Variants in MAP6 observed in about 807,000 individuals in gnomAD.
The protein encoded by MAP6 is microtubule-associated protein 6.
A neutral mutation model predicts 42.4 loss-of-function variants in MAP6; 26 were observed. That is an observed-to-expected ratio of 0.61 (90% CI 0.45 to 0.85). The LOEUF (loss-of-function observed/expected upper bound fraction) is 0.85, where lower values mean the gene tolerates loss of function less well. Ranked by LOEUF, MAP6 falls within the 40% of genes least tolerant of loss-of-function variation. The pLI, the probability that MAP6 is intolerant of heterozygous loss-of-function variation, is 0.00. For missense variants in MAP6, 966 were observed against 1,099.0 expected, an observed-to-expected ratio of 0.88 and a Z score of 1.71; for synonymous variants, 418 against 443.8, an observed-to-expected ratio of 0.94 and a Z score of 0.73.
intron 1 of MAP6, among the ~76,000 whole-genome samples, chr11:75,634,664 C>T (rs1036187783): frequency 6.6e-6 from 1 of 152,170 alleles, no homozygotes; most frequent in Non-Finnish European, 1.5e-5. Flanking sequence ...AGAGATGGCT[C>T]TTATTAGAAC....
intron 3 of MAP6, chr11:75,603,238 G>T (rs139374548): frequency 1.0e-6 from 1 of 985,528 alleles, no homozygotes; most frequent in Non-Finnish European, 1.2e-6. Flanking sequence ...CAGCTCCCTC[G>T]CCAGGGAAGG....
intron 1 of MAP6, among the ~76,000 whole-genome samples, chr11:75,663,642 A>C (rs1056308523): frequency 2.3e-4 from 35 of 152,308 alleles, no homozygotes; most frequent in Middle Eastern, 3.4e-3. Flanking sequence ...GTAAAAAGGG[A>C]ATAGAAGAAC....
chr11:75,651,912 T>C (rs925333715), intron 1 of MAP6, among the ~76,000 whole-genome samples: 3 of 152,204 alleles, frequency 2.0e-5, no homozygotes, highest in African/African-American at 7.2e-5. Flanking sequence ...GGCAAACTAT[T>C]GCCTACCAGC....
intron 1 of MAP6, among the ~76,000 whole-genome samples, chr11:75,628,890 GC>G (rs1943240244): frequency 6.6e-6 from 1 of 152,204 alleles, no homozygotes; most frequent in Admixed American, 6.5e-5. Context: ...CTTACTGTGT[GC>G]CAGAAGCTTT....
At chr11:75,654,852 G>A (rs1943713937) in intron 1 of MAP6, among the ~76,000 whole-genome samples, 1 of 152,142 alleles carries the variant, frequency 6.6e-6, no homozygotes, top group African/African-American at 2.4e-5. Flanking sequence ...CAGACTTTAA[G>A]TTAAGATGCA....
intron 1 of MAP6, among the ~76,000 whole-genome samples, chr11:75,610,587 G>A (rs1942879821): frequency 6.6e-6 from 1 of 152,254 alleles, no homozygotes; most frequent in Non-Finnish European, 1.5e-5. Flanking sequence ...AGTCTCCACT[G>A]TAGCTAAGGG....
rs192391789 is a variant in MAP6, at chr11:75,663,570, G to T, written c.905+3895C>A. 6.6e-5 allele frequency among the ~76,000 whole-genome samples: 10 copies of T among 152,252 alleles called. No homozygotes were observed. The East Asian group carries it at 9.6e-4, about 15-fold the overall frequency. On this transcript the variant is annotated intron_variant, in intron 1 of 3. Coordinates refer to ENST00000304771, the MANE Select transcript of MAP6 (RefSeq NM_033063.2). ...CTCTTCAGGTGTTCATGACGTGGTG[G>T]GGGAGACAGACATGGACAAGAGTAT...
chr11:75,620,408 T>C (rs562469829), intron 1 of MAP6, among the ~76,000 whole-genome samples: 130 of 151,148 alleles, frequency 8.6e-4, no homozygotes, highest in Non-Finnish European at 1.6e-4. Context: ...GAGGTGGAGT[T>C]TGCAGTGAGC....
At chr11:75,593,904 C>T (rs1194199767) in intron 3 of MAP6, among the ~76,000 whole-genome samples, 2 of 152,188 alleles carry the variant, frequency 1.3e-5, no homozygotes, top group Admixed American at 1.3e-4. Flanking sequence ...CCCTCCTAGC[C>T]ATAGGATGGC....
intron 1 of MAP6, among the ~76,000 whole-genome samples, chr11:75,663,170 G>A (rs550522242): frequency 4.0e-5 from 6 of 151,880 alleles, no homozygotes; most frequent in Admixed American, 3.3e-4. Context: ...TTTTAGAAAC[G>A]GGGTTTCACC....
chr11:75,655,130 T>C (rs1702292863), intron 1 of MAP6, among the ~76,000 whole-genome samples: 1 of 152,224 alleles, frequency 6.6e-6, no homozygotes, highest in Admixed American at 6.5e-5. Flanking sequence ...TGAATCTTCA[T>C]AGCCTATAGT....
intron 1 of MAP6, among the ~76,000 whole-genome samples, chr11:75,633,461 T>C (rs1275648108): frequency 2.6e-5 from 4 of 152,176 alleles, no homozygotes; most frequent in Non-Finnish European, 4.4e-5. Flanking sequence ...TGGGAAGACA[T>C]TGGGATACAA....
intron 3 of MAP6, chr11:75,594,342 T>C (rs117677702): frequency 0.033 from 4,992 of 152,324 alleles, 113 homozygotes; most frequent in Non-Finnish European, 0.051. Context: ...GCCCCGTACA[T>C]GTGCTCATGA....
rs199978007 is a variant in MAP6, at chr11:75,658,399, C to CA, written c.905+9065_905+9066insT. Reference sequence around the variant, plus strand: ...GCTCAGTGTATACCATTTCTCCACCCCCCCCGCCCCAGACAGCCAAAACAT... The same window carrying CA: ...GCTCAGTGTATACCATTTCTCCACCCACCCCCGCCCCAGACAGCCAAAACAT... On this transcript the variant is annotated intron_variant, in intron 1 of 3. Coordinates refer to ENST00000304771, the MANE Select transcript of MAP6 (RefSeq NM_033063.2). Among the ~76,000 whole-genome samples, 39 of 104,098 alleles carry CA rather than the reference C, an allele frequency of 3.7e-4. No homozygotes were observed. The East Asian group carries it at 9.3e-3, about 25-fold the overall frequency. 68.3% of individuals were successfully genotyped at this position (104,098 alleles called of 152,430 possible). A position where few individuals can be genotyped will look rare whatever the true frequency, so the allele number is the denominator to read the frequency against.
intron 1 of MAP6, among the ~76,000 whole-genome samples, chr11:75,663,596 T>C (rs1943894349): frequency 6.6e-6 from 1 of 152,056 alleles, no homozygotes; most frequent in Admixed American, 6.6e-5. Flanking sequence ...ACAAGAGTAT[T>C]TTACAATCAA....
chr11:75,646,810 A>C lies in MAP6; in HGVS notation c.905+20655T>G, dbSNP rs376036802. Among the ~76,000 whole-genome samples, 40 of 152,242 alleles carry C rather than the reference A, an allele frequency of 2.6e-4. 1 individual carries two copies. The East Asian group carries it at 2.7e-3, about 10-fold the overall frequency. On this transcript the variant is annotated intron_variant, in intron 1 of 3. Transcript: ENST00000304771. ...AGCAAAACTCCATCTCAAAAAAAAG[A>C]AGCAATGGTGAGTAAAATATTAGTA... is the stretch of plus-strand genomic sequence containing the variant.
At chr11:75,637,454 T>A (rs1051430222) in intron 1 of MAP6, among the ~76,000 whole-genome samples, 2 of 152,048 alleles carry the variant, frequency 1.3e-5, no homozygotes, top group East Asian at 3.8e-4. Flanking sequence ...ATTTATAGGG[T>A]CTTGAATGGG....
chr11:75,605,735 G>T, intron 3 of MAP6, 73 bp downstream of exon 3: 18 of 1,572,418 alleles, frequency 1.1e-5, no homozygotes, highest in African/African-American at 4.1e-5. Context: ...TTTTTGGTTT[G>T]TTGGTTTAAA....
In MAP6 at chr11:75,667,520, C is replaced by A; in HGVS notation, c.850G>T (p.Ala284Ser). Residue 284 changes from alanine (A) to serine (S), a missense_variant, in exon 1 of 4, where the codon GCC becomes TCC. Ala to Ser is a moderately conservative substitution (Grantham distance 99). This residue lies in a region of MAP6 where 943 missense variants were observed against 1,049.9 expected (regional missense o/e 0.90). Transcript: ENST00000304771. This position sits in a 1 kb window ranked among gnomAD's most constrained non-coding sequence, Gnocchi z 5.6. ...TCCTCGCGGATTTGCCGGTTGAGGG[C>A]GTCCGCCGCGGCGCGCCCCCTGCCA... ...EAGRGRAAAD[A>S]LNRQIREEVA... 6.7e-7 allele frequency: 1 copy of A among 1,501,186 alleles called. No homozygotes were observed. The highest frequency in any genetic ancestry group is 8.8e-7 in the Non-Finnish European group (1 of 1,134,186). The allele number at this position is 1,501,186 out of a possible 1,614,324, so 93.0% of individuals were successfully genotyped here. A position where few individuals can be genotyped will look rare whatever the true frequency, so the allele number is the denominator to read the frequency against.
Sources: gnomAD v4.1 joint callset for allele counts (sites outside exome capture counted in the v4.1 genomes callset) on GRCh38, gnomAD v4.1.1 for gene constraint, gnomAD v4.1.1 regional missense constraint, Gnocchi (gnomAD v3.1) non-coding constraint, MANE v1.5 for transcripts, NCBI Gene and HGNC (gene_info 2026-07-23, HGNC 2026-07-21) for gene names.